Variants in GABRB1 observed in about 807,000 individuals in gnomAD.
GABRB1 encodes gamma-aminobutyric acid receptor subunit beta-1.
In GABRB1, 17 loss-of-function variants were observed where a neutral mutation model predicts 51.6. The ratio of observed to expected loss-of-function variants is 0.33; its 90% CI spans 0.23 to 0.49. The LOEUF (loss-of-function observed/expected upper bound fraction) is 0.49. GABRB1 is among the 20% of genes least tolerant of loss of function. The pLI, the probability that GABRB1 is intolerant of heterozygous loss-of-function variation, is 0.99. For missense variants in GABRB1, 410 were observed against 600.6 expected (o/e 0.68, Z 3.32); for synonymous variants, 247 against 218.9 (o/e 1.13, Z -1.14).
chr4:47,030,662 G>A (rs1025808271), upstream of GABRB1, among the ~76,000 whole-genome samples: 1 of 152,178 alleles, frequency 6.6e-6, no homozygotes, highest in Non-Finnish European at 1.5e-5. Flanking sequence ...TTGTAGAATC[G>A]AAGTTACTGA....
chr4:47,141,216 C>A (rs375813452), intron 3 of GABRB1, among the ~76,000 whole-genome samples: 1 of 151,906 alleles, frequency 6.6e-6, no homozygotes, highest in Non-Finnish European at 1.5e-5. Flanking sequence ...AAATCTGGAA[C>A]TAGAAATCCA....
At chr4:47,010,355 A>G (rs1431148939) in intron 1 of GABRB1, among the ~76,000 whole-genome samples, 12 of 152,252 alleles carry the variant, frequency 7.9e-5, no homozygotes, top group Non-Finnish European at 1.5e-5. Flanking sequence ...TACATTATTT[A>G]GTTCAGATCT....
At chr4:47,168,264 T>G (rs1324462515) in intron 4 of GABRB1, among the ~76,000 whole-genome samples, 1 of 152,170 alleles carries the variant, frequency 6.6e-6, no homozygotes, top group Non-Finnish European at 1.5e-5. Flanking sequence ...AAGCTAATAC[T>G]AAAGATTCCA....
chr4:47,348,429 C>G (rs1277151284), intron 5 of GABRB1, among the ~76,000 whole-genome samples: 1 of 152,132 alleles, frequency 6.6e-6, no homozygotes, highest in Non-Finnish European at 1.5e-5. Context: ...TGTATATCAA[C>G]TTTGTTTTAT....
At chr4:47,201,207 C>T (rs1292435307) in intron 4 of GABRB1, among the ~76,000 whole-genome samples, 2 of 152,054 alleles carry the variant, frequency 1.3e-5, no homozygotes, top group African/African-American at 4.8e-5. Flanking sequence ...TCTTTTATAT[C>T]ATATCATTCT....
chr4:47,056,128 C>T (rs1187422620), intron 3 of GABRB1, among the ~76,000 whole-genome samples: 4 of 152,126 alleles, frequency 2.6e-5, no homozygotes, highest in Non-Finnish European at 5.9e-5. Flanking sequence ...ATTGCAGCAT[C>T]CTTTCTATTC....
intron 8 of GABRB1, among the ~76,000 whole-genome samples, 177 bp from the exon 9 acceptor site, chr4:47,425,497 G>GATAA (rs1157404211): frequency 1.3e-5 from 2 of 149,354 alleles, no homozygotes; most frequent in Non-Finnish European, 3.0e-5. Flanking sequence ...TAGATAGATA[G>GATAA]ATAGATAGAT....
At chr4:47,311,029 C>T (rs1244673322) in intron 4 of GABRB1, among the ~76,000 whole-genome samples, 1 of 127,384 alleles carries the variant, frequency 7.9e-6, no homozygotes, top group Non-Finnish European at 1.6e-5. Context: ...CCACTGCACT[C>T]CAACCTGGGT....
intron 4 of GABRB1, among the ~76,000 whole-genome samples, chr4:47,167,677 A>C (rs1577968177): frequency 6.6e-6 from 1 of 152,142 alleles, no homozygotes; most frequent in Non-Finnish European, 1.5e-5. Context: ...AGGGGTGACT[A>C]GGTCATAAGG....
upstream of GABRB1, among the ~76,000 whole-genome samples, chr4:47,026,873 C>T (rs1449068286): frequency 6.6e-6 from 1 of 151,912 alleles, no homozygotes; most frequent in African/African-American, 2.4e-5. Flanking sequence ...TAATAACGTA[C>T]TAGAAAAGAA....
intron 4 of GABRB1, among the ~76,000 whole-genome samples, chr4:47,270,531 A>T (rs1447419226): frequency 6.6e-6 from 1 of 152,198 alleles, no homozygotes; most frequent in East Asian, 1.9e-4. Flanking sequence ...GGAGGGAAAC[A>T]TTAAGAAAAT....
intron 1 of GABRB1, among the ~76,000 whole-genome samples, chr4:47,014,969 C>A (rs944709862): frequency 6.6e-6 from 1 of 152,166 alleles, no homozygotes; most frequent in Non-Finnish European, 1.5e-5. Context: ...TGCAATGGCA[C>A]GATTTTGGCT....
intron 3 of GABRB1, among the ~76,000 whole-genome samples, chr4:47,062,188 G>A (rs1024040780): frequency 1.3e-5 from 2 of 151,952 alleles, no homozygotes; most frequent in Admixed American, 6.6e-5. Context: ...CAAATTCCAC[G>A]AAGAACAGAG....
intron 3 of GABRB1, among the ~76,000 whole-genome samples, chr4:47,048,979 T>C (rs1313432441): frequency 6.6e-6 from 1 of 151,622 alleles, no homozygotes; most frequent in Non-Finnish European, 1.5e-5. Context: ...GGAAGGAAAG[T>C]GGTTGCTGTT....
At chr4:47,124,683 A>C (rs1353347618) in intron 3 of GABRB1, among the ~76,000 whole-genome samples, 1 of 152,196 alleles carries the variant, frequency 6.6e-6, no homozygotes, top group African/African-American at 2.4e-5. Flanking sequence ...AAAAGAACCT[A>C]ACAAATTCTG....
intron 4 of GABRB1, among the ~76,000 whole-genome samples, chr4:47,272,553 G>C (rs1722914095): frequency 6.6e-6 from 1 of 151,906 alleles, no homozygotes; most frequent in South Asian, 2.1e-4. Context: ...ATTATAACTG[G>C]TAATTACAGA....
At chr4:47,172,364 T>A (rs1718475114) in intron 4 of GABRB1, among the ~76,000 whole-genome samples, 1 of 152,184 alleles carries the variant, frequency 6.6e-6, no homozygotes, top group Admixed American at 6.5e-5. Context: ...CCTAAAAAAG[T>A]AATCGAACAA....
intron 3 of GABRB1, among the ~76,000 whole-genome samples, chr4:47,160,229 A>G (rs546270727): frequency 3.1e-4 from 47 of 152,264 alleles, no homozygotes; most frequent in African/African-American, 1.1e-3. Context: ...GCGAAGGTGA[A>G]GAAACAAACT....
chr4:47,425,611 A>T lies in GABRB1; in HGVS notation c.1081-63A>T, dbSNP rs566131303. The T allele has an allele frequency of 7.7e-5, 96 of 1,245,930 alleles. No individual in the cohort carries two copies. The East Asian group carries it at 2.2e-3, about 29-fold the overall frequency. The allele number at this position is 1,245,930 out of a possible 1,614,324, so 77.2% of individuals were successfully genotyped here. On this transcript the variant is annotated intron_variant, in intron 8 of 8. Coordinates refer to ENST00000295454, the MANE Select transcript of GABRB1 (RefSeq NM_000812.4). ...AGCCTTATGGGGTATCATTAGTAAC[A>T]GGTTAATGAAAACAGGCAAAGGTCC...
Sources: gnomAD v4.1 joint callset for allele counts (sites outside exome capture counted in the v4.1 genomes callset) on GRCh38, gnomAD v4.1.1 for gene constraint, MANE v1.5 for transcripts, NCBI Gene and HGNC (gene_info 2026-07-23, HGNC 2026-07-21) for gene names.